MAP2K4: variants seen among roughly 807,000 people sequenced by gnomAD.
The protein encoded by MAP2K4 is mitogen-activated protein kinase kinase 4.
MAP2K4 carries 4 observed loss-of-function variants against 48.5 expected under a neutral mutation model. The ratio of observed to expected loss-of-function variants is 0.08; its 90% confidence interval spans 0.04 to 0.19. The LOEUF is 0.19. Ranked by LOEUF, MAP2K4 falls within the 10% of genes least tolerant of loss-of-function variation. The pLI, the probability that MAP2K4 is intolerant of heterozygous loss-of-function variation, is 1.00. For missense variants in MAP2K4, 258 were observed against 493.3 expected (o/e 0.52, Z 4.52); for synonymous variants, 166 against 173.1 (o/e 0.96, Z 0.32).
At chr17:12,069,796 AT>A (rs1436429302) in intron 2 of MAP2K4, 3 of 785,460 alleles carry the variant, frequency 3.8e-6, no homozygotes, top group Non-Finnish European at 5.4e-6. Flanking sequence ...AGCAGTATTC[AT>A]CTAGAGATCG....
At chr17:12,083,177 A>G (rs897081326) in intron 3 of MAP2K4, among the ~76,000 whole-genome samples, 1 of 152,158 alleles carries the variant, frequency 6.6e-6, no homozygotes, top group Admixed American at 6.5e-5. Context: ...AGTAATATGG[A>G]TTGATTTTAG....
intron 1 of MAP2K4, among the ~76,000 whole-genome samples, chr17:12,049,399 TG>T (rs1386990633): frequency 2.0e-5 from 3 of 152,214 alleles, no homozygotes; most frequent in Admixed American, 2.0e-4. Context: ...TAAAAGGGAT[TG>T]ATTCAGATTG....
chr17:12,111,480 A>AT lies in MAP2K4; in HGVS notation c.685+1067dup, dbSNP rs879587534. Among the ~76,000 whole-genome samples, 978 of 140,470 alleles carry AT rather than the reference A, an allele frequency of 7.0e-3. 9 individuals carry two copies. The highest frequency in any genetic ancestry group is 9.8e-3 in the African/African-American group (376 of 38,532). 92.2% of individuals were successfully genotyped at this position (140,470 alleles called of 152,430 possible). A position where few individuals can be genotyped will look rare whatever the true frequency, so the allele number is the denominator to read the frequency against. On this transcript the variant is annotated intron_variant, in intron 6 of 10. Coordinates refer to ENST00000353533, the MANE Select transcript of MAP2K4 (RefSeq NM_003010.4). ...TGTATTTCTTCTTGTTCTTGTCTTGATTTTTTTTTTTTTCCCTTCTTTGTT... is the reference window on the plus strand; with the variant it reads ...TGTATTTCTTCTTGTTCTTGTCTTGATTTTTTTTTTTTTTCCCTTCTTTGTT...
chr17:12,054,543 G>C (rs1370474144), intron 1 of MAP2K4, among the ~76,000 whole-genome samples: 2 of 151,838 alleles, frequency 1.3e-5, no homozygotes, highest in African/African-American at 2.4e-5. Flanking sequence ...CTGAACAGAT[G>C]GTAATATTTT....
rs9901450 is a variant in MAP2K4 at position 12,104,997 on chromosome 17, C to A, written c.514-2793C>A. Reference sequence around the variant, plus strand: ...ATTCATTGAATAATGCATTCTTTTGCTATGATCTGCTTTGTTAACTTCTGT... The same window carrying A: ...ATTCATTGAATAATGCATTCTTTTGATATGATCTGCTTTGTTAACTTCTGT... On this transcript the variant is annotated intron_variant, in intron 4 of 10. Transcript: ENST00000353533. Among the ~76,000 whole-genome samples the A allele has an allele frequency of 1.8e-3, 279 of 152,252 alleles. 2 individuals are homozygous for A. Among genetic ancestry groups the A allele is most frequent in the African/African-American group, 6.2e-3 (257 of 41,556 alleles).
intron 8 of MAP2K4, among the ~76,000 whole-genome samples, chr17:12,126,727 C>T (rs1972866447): frequency 6.6e-6 from 1 of 152,248 alleles, no homozygotes; most frequent in African/African-American, 2.4e-5. Flanking sequence ...AACATTCAGT[C>T]TCTAGCAGTA....
At chr17:12,099,620 A>G (rs1422570908) in intron 4 of MAP2K4, among the ~76,000 whole-genome samples, 1 of 152,212 alleles carries the variant, frequency 6.6e-6, no homozygotes, top group Non-Finnish European at 1.5e-5. Context: ...TCCAAAGTAC[A>G]GCTTGGATTT....
rs886262413 is a variant in MAP2K4, at chr17:12,095,797, G to A, written c.513+103G>A. The A allele has an allele frequency of 2.3e-6, 3 of 1,288,312 alleles. No individual in the cohort carries two copies. In the African/African-American group the frequency reaches 4.5e-5, roughly 19 times the overall value. 79.8% of individuals were successfully genotyped at this position (1,288,312 alleles called of 1,614,324 possible). A position where few individuals can be genotyped will look rare whatever the true frequency, so the allele number is the denominator to read the frequency against. On this transcript the variant is annotated intron_variant, in intron 4 of 10. Transcript: ENST00000353533. ...CTTAAATGCCATACATTAGTAATAA[G>A]TTAATATCTCAGTATCTTAGTGTTT...
At chr17:12,029,561 A>G (rs958970409) in intron 1 of MAP2K4, among the ~76,000 whole-genome samples, 1 of 152,180 alleles carries the variant, frequency 6.6e-6, no homozygotes, top group Non-Finnish European at 1.5e-5. Flanking sequence ...AACAGGTTCA[A>G]CGGATTATCT....
intron 7 of MAP2K4, among the ~76,000 whole-genome samples, chr17:12,120,187 G>A (rs1972639069): frequency 2.0e-5 from 3 of 152,112 alleles, no homozygotes; most frequent in Non-Finnish European, 2.9e-5. Flanking sequence ...TAGGCCGGGC[G>A]CGGTGGCACA....
At chr17:12,030,504 G>A (rs1166879203) in intron 1 of MAP2K4, among the ~76,000 whole-genome samples, 1 of 152,176 alleles carries the variant, frequency 6.6e-6, no homozygotes, top group African/African-American at 2.4e-5. Context: ...ACTGGTGACA[G>A]AATTTCAGGT....
rs1972368375 is a variant in MAP2K4, at chr17:12,113,265, A to G, written c.718A>G (p.Ser240Gly). 6.2e-7 allele frequency: 1 copy of G among 1,613,618 alleles called. No homozygotes were observed. Among genetic ancestry groups the G allele is most frequent in the South Asian group, 1.1e-5 (1 of 91,078 alleles). The change falls in exon 7 of 11, where the codon AGT becomes GGT. Residue 240 changes from serine to glycine, a missense_variant. Around this residue, in one of 3 missense-constraint regions of MAP2K4, gnomAD observed 132 missense variants for 352.8 expected, o/e 0.37. Coordinates refer to ENST00000353533, the MANE Select transcript of MAP2K4 (RefSeq NM_003010.4). Reference protein sequence around the residue: ...IKPSNILLDRSGNIKLCDFGI... With the variant: ...IKPSNILLDRGGNIKLCDFGI... The stretch of plus-strand genomic sequence containing the variant: ...ACCTTCCAATATTCTTCTGGACAGA[A>G]GTGGAAATATTAAGCTCTGTGACTT...
rs28452348 is a variant in MAP2K4 at position 12,060,552 on chromosome 17, C to A, written c.218+5561C>A. ...ATTTCTAAGTGTGAATACCTCTAAT[C>A]TACATGAATTTGGAAGTTTTTTTCT... On this transcript the variant is annotated intron_variant, in intron 2 of 10. Coordinates refer to ENST00000353533, the MANE Select transcript of MAP2K4 (RefSeq NM_003010.4). 2.8e-3 allele frequency among the ~76,000 whole-genome samples: 433 copies of A among 152,270 alleles called. 2 individuals carry two copies. Among genetic ancestry groups the A allele is most frequent in the African/African-American group, 6.6e-3 (274 of 41,560 alleles).
At chr17:12,089,041 A>G (rs944695638) in intron 3 of MAP2K4, among the ~76,000 whole-genome samples, 1 of 151,364 alleles carries the variant, frequency 6.6e-6, no homozygotes, top group African/African-American at 2.4e-5. Context: ...CCTCCCCAGC[A>G]GCTGGGACTA....
chr17:12,079,507 AT>A (rs1217930586), intron 2 of MAP2K4, among the ~76,000 whole-genome samples: 4 of 152,232 alleles, frequency 2.6e-5, no homozygotes, highest in African/African-American at 9.6e-5. Flanking sequence ...CCAAAGAAAT[AT>A]GCCTACACAA....
chr17:12,110,472 T>A, intron 6 of MAP2K4, 46 bp downstream of exon 6: 2 of 1,300,048 alleles, frequency 1.5e-6, no homozygotes, highest in Non-Finnish European at 2.2e-6. Context: ...AACTTTTTTC[T>A]CCTAATTGGT....
intron 1 of MAP2K4, among the ~76,000 whole-genome samples, chr17:12,052,485 T>C (rs1970171676): frequency 6.6e-6 from 1 of 152,234 alleles, no homozygotes; most frequent in South Asian, 2.1e-4. Context: ...TTTTAACTGT[T>C]GTAATATATT....
At chr17:12,132,318 A>G (rs920192956) in intron 9 of MAP2K4, among the ~76,000 whole-genome samples, 1 of 152,208 alleles carries the variant, frequency 6.6e-6, no homozygotes, top group Non-Finnish European at 1.5e-5. Context: ...TTTATAACCT[A>G]CAATTAGAAA....
intron 7 of MAP2K4, among the ~76,000 whole-genome samples, chr17:12,120,702 G>A (rs1423306046): frequency 6.6e-6 from 1 of 152,068 alleles, no homozygotes; most frequent in African/African-American, 2.4e-5. Flanking sequence ...GTTGACTAGG[G>A]AGGAAACATT....
Sources: gnomAD v4.1 joint callset for allele counts (sites outside exome capture counted in the v4.1 genomes callset) on GRCh38, gnomAD v4.1.1 for gene constraint, gnomAD v4.1.1 regional missense constraint, MANE v1.5 for transcripts, NCBI Gene and HGNC (gene_info 2026-07-23, HGNC 2026-07-21) for gene names.